The following SLC12A9 variants were observed in gnomAD, a reference collection of about 807,000 sequenced individuals.
SLC12A9 encodes solute carrier family 12 member 9.
Under a neutral mutation model 66.0 loss-of-function variants are expected in SLC12A9, and 55 were observed. The observed-to-expected ratio is 0.83, with a 90% CI of 0.67 to 1.04. The LOEUF (loss-of-function observed/expected upper bound fraction) is 1.04, where lower values mean the gene tolerates loss of function less well. SLC12A9 is among the 50% of genes least tolerant of loss of function. SLC12A9 has a pLI of 0.00. For missense variants in SLC12A9, 1,061 were observed against 1,241.9 expected, an observed-to-expected ratio of 0.85 and a Z score of 2.19; for synonymous variants, 577 against 569.0, an observed-to-expected ratio of 1.01 and a Z score of -0.20.
chr7:100,865,227 C>G (rs989196850), intron 13 of SLC12A9: 9 of 1,531,676 alleles, frequency 5.9e-6, no homozygotes, highest in Non-Finnish European at 7.9e-6. Context: ...CAAGATGCTG[C>G]GATTACAGGT....
chr7:100,846,231 C>T (rs1474612792), intron 1 of SLC12A9, among the ~76,000 whole-genome samples: 4 of 152,236 alleles, frequency 2.6e-5, no homozygotes, highest in Non-Finnish European at 5.9e-5. Flanking sequence ...AACCTGCTTA[C>T]TGCTCCTTTG....
At chr7:100,837,016 A>T (rs961545452) in intron 1 of SLC12A9, among the ~76,000 whole-genome samples, 7 of 152,034 alleles carry the variant, frequency 4.6e-5, no homozygotes, top group Non-Finnish European at 1.0e-4. Context: ...GGGCTGGGGG[A>T]ACACTCTGAG....
intron 1 of SLC12A9, among the ~76,000 whole-genome samples, chr7:100,834,965 A>C (rs2116501503): frequency 6.6e-6 from 1 of 152,172 alleles, no homozygotes; most frequent in African/African-American, 2.4e-5. Flanking sequence ...CAGGAGGTGG[A>C]GGCTGCAGTG....
chr7:100,832,704 A>C (rs1266808798), intron 1 of SLC12A9, among the ~76,000 whole-genome samples: 1 of 152,174 alleles, frequency 6.6e-6, no homozygotes, highest in Non-Finnish European at 1.5e-5. Flanking sequence ...TATAATATTT[A>C]TGATATTTGT....
intron 1 of SLC12A9, among the ~76,000 whole-genome samples, chr7:100,830,886 A>C (rs1251004755): frequency 1.3e-5 from 2 of 151,922 alleles, no homozygotes; most frequent in Admixed American, 6.6e-5. Context: ...CATGTCCTCC[A>C]CCCTTAGACC....
chr7:100,848,721 C>T (rs927528784), upstream of SLC12A9, among the ~76,000 whole-genome samples: 75 of 151,710 alleles, frequency 4.9e-4, no homozygotes, highest in African/African-American at 1.8e-3. Flanking sequence ...CCCGTCTCCA[C>T]TAAAAATACA....
intron 1 of SLC12A9, among the ~76,000 whole-genome samples, chr7:100,833,476 AG>A (rs1048872372): frequency 2.1e-4 from 32 of 151,920 alleles, no homozygotes; most frequent in Admixed American, 2.1e-3. Context: ...CTCAAAGCAA[AG>A]CAAAACAAAA....
chr7:100,836,845 T>C (rs1813670329), intron 1 of SLC12A9, among the ~76,000 whole-genome samples: 1 of 145,256 alleles, frequency 6.9e-6, no homozygotes, highest in Non-Finnish European at 1.5e-5. Context: ...TCCTGGGGAG[T>C]TTACAGCAGG....
rs1257954701 is a variant in SLC12A9, at chr7:100,866,364, G to A, written c.2504G>A (p.Arg835His). ...RGDAEAEALA[R>H]SANALVRAQQ... is the part of the protein sequence containing the mutation. ...GACGCAGAGGCAGAGGCCCTGGCACGCAGCGCCAACGCCCTGGTTCGGGCC... is the reference window on the plus strand; with the variant it reads ...GACGCAGAGGCAGAGGCCCTGGCACACAGCGCCAACGCCCTGGTTCGGGCC... Residue 835 changes from arginine to histidine, a missense_variant, in exon 14 of 14, where the codon CGC becomes CAC. Physicochemically the swap from Arg to His is conservative, Grantham distance 29 (BLOSUM62 0). Transcript: ENST00000354161. This position sits in a 1 kb window ranked among gnomAD's most constrained non-coding sequence, Gnocchi z 7.3. 22 of 1,513,414 alleles carry A rather than the reference G, an allele frequency of 1.5e-5. No individual in the cohort carries two copies. In the Middle Eastern group the frequency reaches 1.1e-3, roughly 75 times the overall value. 93.7% of individuals were successfully genotyped at this position (1,513,414 alleles called of 1,614,324 possible). A position where few individuals can be genotyped will look rare whatever the true frequency, so the allele number is the denominator to read the frequency against.
chr7:100,848,499 A>AAAATAAATAAATAAAT (rs56099726), upstream of SLC12A9, among the ~76,000 whole-genome samples: 2,875 of 145,666 alleles, frequency 0.02, 47 homozygotes, highest in Middle Eastern at 0.031. Flanking sequence ...CCAAGTCTCA[A>AAAATAAATAAATAAAT]AAATAAATAA....
chr7:100,851,568 C>T (rs1039160086), upstream of SLC12A9, among the ~76,000 whole-genome samples: 2 of 151,350 alleles, frequency 1.3e-5, no homozygotes, highest in African/African-American at 2.4e-5. Context: ...GGACTGCAGG[C>T]GCATGCTTGA....
At chr7:100,844,638 T>A (rs1373852449) in intron 1 of SLC12A9, among the ~76,000 whole-genome samples, 1 of 152,006 alleles carries the variant, frequency 6.6e-6, no homozygotes, top group Non-Finnish European at 1.5e-5. Flanking sequence ...AAGGACCCAG[T>A]CCACCTTCAG....
chr7:100,846,312 A>G (rs545113844), intron 1 of SLC12A9, among the ~76,000 whole-genome samples: 1 of 152,206 alleles, frequency 6.6e-6, no homozygotes, highest in Admixed American at 6.5e-5. Context: ...CACGCCTGTA[A>G]TCCCAGCACT....
rs1318290935 is a variant in SLC12A9, at chr7:100,865,745, C to T, written c.1885C>T (p.Leu629=). 6.2e-7 allele frequency: 1 copy of T among 1,613,146 alleles called. No homozygotes were observed. Reference sequence around the variant, plus strand: ...TGGCATGAAGCCCAACACGTTGGTCCTAGGTTTCTACGATGACGCTCCACC... The same window carrying T: ...TGGCATGAAGCCCAACACGTTGGTCTTAGGTTTCTACGATGACGCTCCACC... The part of the protein sequence containing the change: ...LGGMKPNTLV[L]GFYDDAPPQD... Residue 629 remains leucine (L), a synonymous_variant, in exon 14 of 14, where the codon CTA becomes TTA. Transcript: ENST00000354161.
At chr7:100,856,081 C>A in intron 4 of SLC12A9, 1 of 384,008 alleles carries the variant, frequency 2.6e-6, no homozygotes. Flanking sequence ...CTGACAGAGA[C>A]CACCAGGGAG....
Position 100,865,756 on chromosome 7 carries a change from C to G in SLC12A9, c.1896C>G (p.Tyr632Ter). 6.2e-7 allele frequency: 1 copy of G among 1,613,524 alleles called. No individual in the cohort carries two copies. The highest frequency in any genetic ancestry group is 8.5e-7 in the Non-Finnish European group (1 of 1,179,832). The change falls in exon 14 of 14, where the codon TAC becomes TAG. Residue 632 changes from tyrosine to a stop codon, truncating the protein, a stop_gained. Transcript: ENST00000354161. LOFTEE classifies it high-confidence loss of function. ...MKPNTLVLGFYDDAPPQDHFL... is the reference protein window; with the variant it reads ...MKPNTLVLGF ...CCAACACGTTGGTCCTAGGTTTCTA[C>G]GATGACGCTCCACCGCAGGACCATT... is the stretch of plus-strand genomic sequence containing the variant.
At chr7:100,841,013 A>C (rs1443583670) in intron 1 of SLC12A9, among the ~76,000 whole-genome samples, 1 of 152,036 alleles carries the variant, frequency 6.6e-6, no homozygotes, top group Non-Finnish European at 1.5e-5. Flanking sequence ...TAAAAAAAAA[A>C]AACTTTTAGA....
chr7:100,852,482 G>C (rs1258548812), upstream of SLC12A9: 2 of 152,254 alleles, frequency 1.3e-5, no homozygotes, highest in African/African-American at 4.8e-5. Flanking sequence ...CTCGGACTGG[G>C]GTCCGGCCCC....
chr7:100,827,057 G>A (rs374017664), intron 1 of SLC12A9: 15 of 1,566,872 alleles, frequency 9.6e-6, no homozygotes, highest in African/African-American at 1.4e-5. Context: ...GGTAGGATCC[G>A]AACTGAGTTT....
Sources: allele counts gnomAD v4.1 joint callset (sites outside exome capture counted in the v4.1 genomes callset), GRCh38; gene constraint gnomAD v4.1.1; non-coding constraint Gnocchi (gnomAD v3.1); transcripts MANE v1.5; gene names NCBI Gene and HGNC (gene_info 2026-07-23, HGNC 2026-07-21).